The following PIK3C2G variants were observed in gnomAD, a reference collection of about 807,000 sequenced individuals.
PIK3C2G encodes phosphatidylinositol-4-phosphate 3-kinase catalytic subunit type 2 gamma.
Under a neutral mutation model 181.1 loss-of-function variants are expected in PIK3C2G, and 168 were observed. The observed-to-expected ratio is 0.93, with a 90% CI of 0.82 to 1.05. The LOEUF (loss-of-function observed/expected upper bound fraction) is 1.05. Among genes scored for constraint, PIK3C2G ranks in the 50% least tolerant of loss-of-function variants. The pLI, the probability that PIK3C2G is intolerant of heterozygous loss-of-function variation, is 0.00. For synonymous variants in PIK3C2G, 573 were observed against 592.2 expected (o/e 0.97, Z 0.47); for missense variants, 1,869 against 1,732.8 (o/e 1.08, Z -1.40).
intron 1 of PIK3C2G, among the ~76,000 whole-genome samples, chr12:18,249,118 TGTGC>T (rs1948071108): frequency 6.6e-6 from 1 of 152,166 alleles, no homozygotes; most frequent in Admixed American, 6.5e-5. Context: ...GACTGTACGC[TGTGC>T]TAGAATATCT....
chr12:18,601,859 G>A (rs1401334464), intron 30 of PIK3C2G, among the ~76,000 whole-genome samples: 5 of 152,230 alleles, frequency 3.3e-5, no homozygotes, highest in Admixed American at 6.5e-5. Flanking sequence ...GGAAATACAG[G>A]GGTAGAGGAA....
Position 18,346,797 on chromosome 12 carries a change from T to C in PIK3C2G, c.1586T>C (p.Val529Ala), listed in dbSNP as rs776173073. The change falls in exon 11 of 33, where the codon GTG (valine) becomes GCG (alanine). Residue 529 changes from valine to alanine, a missense_variant. Physicochemically the swap from Val to Ala is moderately conservative, Grantham distance 64. Coordinates refer to ENST00000538779, the MANE Select transcript of PIK3C2G (RefSeq NM_001288772.2). ...CTTCCTTCCCACCTCAGCTTCACAG[T>C]GTATGCAGCACACAACATTCCAGAA... ...PGLPSHLSFT[V>A]YAAHNIPETW... 3.7e-6 allele frequency: 6 copies of C among 1,613,580 alleles called. No homozygotes were observed. In the Admixed American group the frequency reaches 1.0e-4, roughly 27 times the overall value.
chr12:18,612,689 TA>T (rs1449701139), intron 31 of PIK3C2G, among the ~76,000 whole-genome samples: 1 of 152,184 alleles, frequency 6.6e-6, no homozygotes, highest in Non-Finnish European at 1.5e-5. Context: ...AAGTTTTAGC[TA>T]ATTGTTATTT....
chr12:18,528,456 C>A (rs900775142), intron 24 of PIK3C2G, among the ~76,000 whole-genome samples: 13 of 151,996 alleles, frequency 8.6e-5, no homozygotes, highest in African/African-American at 3.1e-4. Context: ...ATAATAAAAA[C>A]AAAATGTGCC....
chr12:18,389,730 A>C (rs1239428050), intron 14 of PIK3C2G, among the ~76,000 whole-genome samples: 1 of 152,182 alleles, frequency 6.6e-6, no homozygotes, highest in Non-Finnish European at 1.5e-5. Context: ...ATTTAGCCTC[A>C]TAATTCATGA....
upstream of PIK3C2G, among the ~76,000 whole-genome samples, chr12:18,245,450 C>A (rs554537729): frequency 6.6e-6 from 1 of 151,376 alleles, no homozygotes; most frequent in Non-Finnish European, 1.5e-5. Flanking sequence ...TCTGTTACTT[C>A]ATTTAAAAAA....
chr12:18,595,416 G>T (rs7305694), intron 30 of PIK3C2G, among the ~76,000 whole-genome samples: 118,571 of 151,992 alleles, frequency 0.78, 46,918 homozygotes, highest in East Asian at 0.94. Flanking sequence ...GATTTCACTA[G>T]TTTACTACCT....
intron 18 of PIK3C2G, among the ~76,000 whole-genome samples, chr12:18,458,853 TAAA>T (rs1363276649): frequency 2.2e-5 from 3 of 134,050 alleles, no homozygotes; most frequent in African/African-American, 2.7e-5. Flanking sequence ...ACAGCCAGTT[TAAA>T]AAAAAAAAAA....
chr12:18,663,263 T>A, the PIK3C2G span, among the ~76,000 whole-genome samples: 1 of 152,062 alleles, frequency 6.6e-6, no homozygotes, highest in Non-Finnish European at 1.5e-5. Context: ...GACATCTAAA[T>A]TTGAAAAGAA....
chr12:18,281,239 C>A lies in PIK3C2G; in HGVS notation c.-78-765C>A, dbSNP rs189796927. On this transcript the variant is annotated intron_variant, in intron 1 of 32. Coordinates refer to ENST00000538779, the MANE Select transcript of PIK3C2G (RefSeq NM_001288772.2). ...TAACAGGGAAGAAAAAAAGCCCTGA[C>A]AAGGATAAGATGGAAAATGCATAAT... 9.6e-5 allele frequency among the ~76,000 whole-genome samples: 6 copies of A among 62,384 alleles called. No homozygotes were observed. The Admixed American group carries it at 1.2e-3, about 12-fold the overall frequency. The allele number at this position is 62,384 out of a possible 152,430, so 40.9% of individuals were successfully genotyped here. A position where few individuals can be genotyped will look rare whatever the true frequency, so the allele number is the denominator to read the frequency against.
chr12:18,666,200 C>T, the PIK3C2G span, among the ~76,000 whole-genome samples: 1 of 151,426 alleles, frequency 6.6e-6, no homozygotes, highest in East Asian at 1.9e-4. Flanking sequence ...AAGATATTGC[C>T]TATAGAAAAC....
chr12:18,403,922 C>T (rs1463050450), intron 16 of PIK3C2G, among the ~76,000 whole-genome samples: 1 of 151,976 alleles, frequency 6.6e-6, no homozygotes, highest in Non-Finnish European at 1.5e-5. Flanking sequence ...AAAAATTACC[C>T]AAGGAATTAA....
intron 1 of PIK3C2G, among the ~76,000 whole-genome samples, chr12:18,252,000 T>A (rs1455437914): frequency 6.6e-6 from 1 of 152,156 alleles, no homozygotes; most frequent in Non-Finnish European, 1.5e-5. Flanking sequence ...AAATTAGTTT[T>A]TTCCAGAAAA....
Position 18,567,556 on chromosome 12 carries a change from A to G in PIK3C2G, c.4011+499A>G, listed in dbSNP as rs150795472. Among the ~76,000 whole-genome samples the G allele has an allele frequency of 3.9e-5, 6 of 152,110 alleles. No individual in the cohort carries two copies. In the East Asian group the frequency reaches 1.2e-3, roughly 30 times the overall value. On this transcript the variant is annotated intron_variant, in intron 29 of 32. Coordinates refer to ENST00000538779, the MANE Select transcript of PIK3C2G (RefSeq NM_001288772.2). ...TAACTTCAATGAAATAATATGTGATAAATGGACTATCAGTGCCGTGAAGTG... is the reference window on the plus strand; with the variant it reads ...TAACTTCAATGAAATAATATGTGATGAATGGACTATCAGTGCCGTGAAGTG...
At chr12:18,672,302 G>A in the PIK3C2G span, among the ~76,000 whole-genome samples, 3 of 151,888 alleles carry the variant, frequency 2.0e-5, no homozygotes, top group South Asian at 2.1e-4. Context: ...TTACTCAGTC[G>A]TCATTGCTCA....
At chr12:18,500,811 G>A (rs942195678) in intron 22 of PIK3C2G, among the ~76,000 whole-genome samples, 1 of 152,002 alleles carries the variant, frequency 6.6e-6, no homozygotes, top group South Asian at 2.1e-4. Flanking sequence ...TTGTTCTCTC[G>A]CTCTTTGCAA....
intron 32 of PIK3C2G, among the ~76,000 whole-genome samples, chr12:18,640,838 C>T (rs1565590698): frequency 6.6e-6 from 1 of 152,140 alleles, no homozygotes. Context: ...CTGACTTCAT[C>T]TTATTTTCTC....
chr12:18,668,533 C>T, the PIK3C2G span, among the ~76,000 whole-genome samples: 1 of 152,114 alleles, frequency 6.6e-6, no homozygotes, highest in Non-Finnish European at 1.5e-5. Flanking sequence ...GACTGCAACC[C>T]TAGTGCCCTT....
intron 6 of PIK3C2G, among the ~76,000 whole-genome samples, chr12:18,320,743 G>A (rs1951072781): frequency 6.6e-6 from 1 of 152,164 alleles, no homozygotes; most frequent in Non-Finnish European, 1.5e-5. Context: ...CTATCTTTCA[G>A]GTTTATTCTC....
Sources: allele counts gnomAD v4.1 joint callset (sites outside exome capture counted in the v4.1 genomes callset), GRCh38; gene constraint gnomAD v4.1.1; transcripts MANE v1.5; gene names NCBI Gene and HGNC (gene_info 2026-07-23, HGNC 2026-07-21).